Variants in DRC11L observed in about 807,000 individuals in gnomAD.
The protein encoded by DRC11L is dynein regulatory complex subunit 11 like.
the DRC11L span, chr7:151,204,391 CGA>C: frequency 7.6e-6 from 3 of 393,740 alleles, no homozygotes; most frequent in East Asian, 3.6e-5. Context: ...CTACCCCACC[CGA>C]CCCCAAGCTG....
chr7:151,195,838 C>G, the DRC11L span: 2 of 387,414 alleles, frequency 5.2e-6, no homozygotes, highest in Non-Finnish European at 9.1e-6. Context: ...ATTCCTCCCT[C>G]CCTCCTGGCA....
the DRC11L span, among the ~76,000 whole-genome samples, chr7:151,194,817 C>G: frequency 1.3e-5 from 2 of 152,226 alleles, no homozygotes; most frequent in South Asian, 4.1e-4. Context: ...AAGCCTCCCC[C>G]AGTGGGTGCT....
the DRC11L span, chr7:151,204,640 G>T: frequency 2.5e-6 from 1 of 399,182 alleles, no homozygotes; most frequent in South Asian, 1.3e-4. Flanking sequence ...AGCAGCCGCC[G>T]CTTCTGCGGC....
At chr7:151,205,486 G>C in the DRC11L span, 2 of 398,900 alleles carry the variant, frequency 5.0e-6, no homozygotes, top group Non-Finnish European at 8.8e-6. Flanking sequence ...CCCCTTGTTT[G>C]CTGGTGGTGG....
the DRC11L span, chr7:151,191,573 G>A: frequency 2.5e-6 from 1 of 398,678 alleles, no homozygotes; most frequent in African/African-American, 2.1e-5. Flanking sequence ...GGTCCGAGTT[G>A]TGCTTCAGGG....
the DRC11L span, among the ~76,000 whole-genome samples, chr7:151,197,556 G>C: frequency 0.037 from 5,639 of 152,274 alleles, 352 homozygotes; most frequent in African/African-American, 0.13. Flanking sequence ...GCGTTCTGGT[G>C]AGAGCCACTG....
chr7:151,195,935 T>A, the DRC11L span: 1 of 308,464 alleles, frequency 3.2e-6, no homozygotes, highest in Non-Finnish European at 5.9e-6. Context: ...AGCCCCCAGA[T>A]GGAATTCAAA....
chr7:151,200,326 C>T, the DRC11L span: 2 of 399,262 alleles, frequency 5.0e-6, no homozygotes, highest in Non-Finnish European at 8.8e-6. Flanking sequence ...GGGTGGGGGC[C>T]CTGCCCTGGC....
chr7:151,194,705 G>T, the DRC11L span: 1 of 396,516 alleles, frequency 2.5e-6, no homozygotes, highest in Non-Finnish European at 4.4e-6. Context: ...TGAAGACAGG[G>T]TATCAGTGGT....
chr7:151,204,141 T>C, the DRC11L span, among the ~76,000 whole-genome samples: 4 of 152,150 alleles, frequency 2.6e-5, no homozygotes, highest in Admixed American at 6.5e-5. Flanking sequence ...TAAAGGACTC[T>C]CCTCACCAAT....
At chr7:151,200,426 C>T in the DRC11L span, 100 of 399,132 alleles carry the variant, frequency 2.5e-4, no homozygotes, top group South Asian at 5.1e-4. Flanking sequence ...CTGCTGAGTG[C>T]GTTTCCTCTG....
chr7:151,196,953 T>C, the DRC11L span: 2 of 399,176 alleles, frequency 5.0e-6, no homozygotes, highest in Non-Finnish European at 8.8e-6. Context: ...ACAGACACTC[T>C]TCCCCAGCCA....
chr7:151,203,026 C>T, the DRC11L span: 7 of 399,694 alleles, frequency 1.8e-5, no homozygotes, highest in Non-Finnish European at 2.7e-5. Flanking sequence ...GGCTCGAAGC[C>T]GGCCTTGCCT....
chr7:151,203,857 T>G, the DRC11L span, among the ~76,000 whole-genome samples: 1 of 152,172 alleles, frequency 6.6e-6, no homozygotes, highest in Non-Finnish European at 1.5e-5. Context: ...GAATCTTCCC[T>G]GCGCCCCCAC....
the DRC11L span, chr7:151,192,686 G>A: frequency 2.5e-6 from 1 of 399,172 alleles, no homozygotes; most frequent in Non-Finnish European, 4.4e-6. Context: ...AGGCCTTCCA[G>A]CTTAGCCCCA....
At chr7:151,195,251 G>A in the DRC11L span, among the ~76,000 whole-genome samples, 10 of 152,170 alleles carry the variant, frequency 6.6e-5, no homozygotes, top group Admixed American at 4.6e-4. Context: ...TGATCCCCAC[G>A]GCTATCACCT....
chr7:151,194,292 G>A, the DRC11L span: 7 of 399,092 alleles, frequency 1.8e-5, no homozygotes, highest in South Asian at 1.3e-4. Flanking sequence ...ACATTCTGTC[G>A]TATGTCAAAC....
At chr7:151,198,078 G>C in the DRC11L span, among the ~76,000 whole-genome samples, 18,537 of 149,978 alleles carry the variant, frequency 0.12, 1,241 homozygotes, top group East Asian at 0.2. Context: ...AGATGCATGA[G>C]TGGATAGATG....
At chr7:151,202,696 C>T in the DRC11L span, among the ~76,000 whole-genome samples, 2 of 152,134 alleles carry the variant, frequency 1.3e-5, no homozygotes, top group Non-Finnish European at 2.9e-5. Context: ...ACTAAAAATA[C>T]AAAAATTAGC....
Sources: gnomAD v4.1 joint callset for allele counts (sites outside exome capture counted in the v4.1 genomes callset) on GRCh38, gnomAD v4.1.1 for gene constraint, MANE v1.5 for transcripts, NCBI Gene and HGNC (gene_info 2026-07-23, HGNC 2026-07-21) for gene names.